LDLRAD4: variants seen among roughly 807,000 people sequenced by gnomAD.
The protein encoded by LDLRAD4 is low-density lipoprotein receptor class A domain-containing protein 4.
In LDLRAD4, 5 loss-of-function variants were observed where a neutral mutation model predicts 17.0. That is an observed-to-expected ratio of 0.29 (90% confidence interval 0.15 to 0.62). LDLRAD4 has a LOEUF of 0.62. Among genes scored for constraint, LDLRAD4 ranks in the 20% least tolerant of loss-of-function variants. LDLRAD4 has a pLI of 0.84. For missense variants in LDLRAD4, 340 were observed against 424.7 expected (o/e 0.80, Z 1.75); for synonymous variants, 168 against 171.8 (o/e 0.98, Z 0.17).
intron 3 of LDLRAD4, among the ~76,000 whole-genome samples, chr18:13,583,797 T>G (rs1019359160): frequency 6.6e-6 from 1 of 151,916 alleles, no homozygotes; most frequent in African/African-American, 2.4e-5. Flanking sequence ...GGCGGAGTCT[T>G]ATTGTTGTGT....
exon 6 of LDLRAD4, chr18:13,646,898 G>A (rs2043034825): frequency 6.6e-6 from 1 of 152,452 alleles, no homozygotes; most frequent in South Asian, 2.1e-4. Flanking sequence ...TCGTGTGGGA[G>A]TGGTGTGGGT....
At chr18:13,641,139 G>A (rs1287253727) in intron 4 of LDLRAD4, among the ~76,000 whole-genome samples, 10 of 152,228 alleles carry the variant, frequency 6.6e-5, no homozygotes, top group Non-Finnish European at 1.5e-4. Flanking sequence ...TGTGGGTGCT[G>A]TGAATTTCCC....
intron 3 of LDLRAD4, among the ~76,000 whole-genome samples, chr18:13,518,837 A>G (rs1480357771): frequency 6.6e-6 from 1 of 152,024 alleles, no homozygotes; most frequent in Non-Finnish European, 1.5e-5. Flanking sequence ...ACACATTCTC[A>G]TGGGTGGAGA....
At chr18:13,640,185 C>G (rs953967201) in intron 4 of LDLRAD4, among the ~76,000 whole-genome samples, 1 of 147,896 alleles carries the variant, frequency 6.8e-6, no homozygotes. Flanking sequence ...CCCATCTACT[C>G]GGTAGGCTGA....
chr18:13,529,121 G>A (rs1284645374), intron 3 of LDLRAD4, among the ~76,000 whole-genome samples: 2 of 152,178 alleles, frequency 1.3e-5, no homozygotes, highest in Admixed American at 6.5e-5. Context: ...TGTGTAGGGA[G>A]AACCTGGTTA....
At chr18:13,305,609 C>T (rs1483577966) in intron 1 of LDLRAD4, among the ~76,000 whole-genome samples, 1 of 152,146 alleles carries the variant, frequency 6.6e-6, no homozygotes, top group Non-Finnish European at 1.5e-5. Flanking sequence ...GAAGTGCTCC[C>T]AAGAAGCAGA....
intron 3 of LDLRAD4, chr18:13,522,908 C>G (rs758671091): frequency 6.6e-6 from 1 of 152,176 alleles, no homozygotes; most frequent in African/African-American, 2.4e-5. Flanking sequence ...GATGCATTTA[C>G]GAGGTGCTGA....
chr18:13,368,684 G>A (rs949065692), intron 1 of LDLRAD4, among the ~76,000 whole-genome samples: 1 of 152,168 alleles, frequency 6.6e-6, no homozygotes, highest in African/African-American at 2.4e-5. Flanking sequence ...GGGTTTGGGG[G>A]ACCAGGTTGT....
At chr18:13,392,183 T>C (rs1354227445) in intron 2 of LDLRAD4, among the ~76,000 whole-genome samples, 4 of 152,250 alleles carry the variant, frequency 2.6e-5, no homozygotes, top group Non-Finnish European at 5.9e-5. Flanking sequence ...CTGTTCACAG[T>C]GACTGCGCTC....
rs1008901561 is a variant in LDLRAD4, at chr18:13,511,833, G to T, written c.181+73449G>T. On this transcript the variant is annotated intron_variant, in intron 3 of 5. Coordinates refer to ENST00000359446, the Ensembl canonical transcript of LDLRAD4. ...ATCCCCAGACCTAAAACAAAGAGAA[G>T]ACCTTGGCCTCCTCTCTGTTTGCTC... Among the ~76,000 whole-genome samples the T allele has an allele frequency of 2.0e-5, 3 of 152,156 alleles. No individual in the cohort carries two copies. In the South Asian group the frequency reaches 6.2e-4, roughly 32 times the overall value.
At chr18:13,620,931 TC>T in intron 3 of LDLRAD4, 185 bp from the exon 5 acceptor site, 2 of 809,298 alleles carry the variant, frequency 2.5e-6, no homozygotes, top group Non-Finnish European at 2.0e-6. Flanking sequence ...TTGCACAGCC[TC>T]CCGACTGTGC....
chr18:13,618,421 A>C (rs2148786317), intron 3 of LDLRAD4, among the ~76,000 whole-genome samples: 1 of 152,372 alleles, frequency 6.6e-6, no homozygotes, highest in South Asian at 2.1e-4. Context: ...TTTTATAATA[A>C]AAATCCTTTT....
chr18:13,378,526 A>G (rs2085100333), intron 1 of LDLRAD4, among the ~76,000 whole-genome samples: 1 of 152,208 alleles, frequency 6.6e-6, no homozygotes, highest in African/African-American at 2.4e-5. Flanking sequence ...TGATTTTCCG[A>G]GAAGGAGATG....
intron 2 of LDLRAD4, among the ~76,000 whole-genome samples, chr18:13,404,246 G>A (rs2087506780): frequency 1.3e-5 from 2 of 152,238 alleles, no homozygotes. Flanking sequence ...CTTCCCCTGG[G>A]GGGCATCACT....
Position 13,645,837 on chromosome 18 carries a change from G to T in LDLRAD4, c.*180G>T. On this transcript the variant is annotated 3_prime_UTR_variant, in exon 6 of 6. Transcript: ENST00000359446. This position sits in a 1 kb window ranked among gnomAD's most constrained non-coding sequence, Gnocchi z 5.7. The stretch of plus-strand genomic sequence containing the variant: ...AATTGCATGCAAACTAGACTGAAAT[G>T]ATACAAACTTCCATCTGGTCTGACC... 2.2e-6 allele frequency: 1 copy of T among 458,166 alleles called. No individual in the cohort carries two copies. Among genetic ancestry groups the T allele is most frequent in the Non-Finnish European group, 3.7e-6 (1 of 269,084 alleles). The allele number at this position is 458,166 out of a possible 1,614,324, so 28.4% of individuals were successfully genotyped here.
intron 3 of LDLRAD4, among the ~76,000 whole-genome samples, chr18:13,537,952 A>T (rs149310244): frequency 5.2e-4 from 79 of 152,310 alleles, no homozygotes; most frequent in Admixed American, 1.8e-3. Context: ...CTAACTTGTT[A>T]AATCTATTGG....
At chr18:13,439,109 G>GCC (rs1405601499) in intron 3 of LDLRAD4, among the ~76,000 whole-genome samples, 2 of 152,176 alleles carry the variant, frequency 1.3e-5, no homozygotes, top group Middle Eastern at 3.4e-3. Flanking sequence ...GCGTTGGCCG[G>GCC]GCCGACCCTC....
At chr18:13,469,637 A>G (rs1389908599) in intron 3 of LDLRAD4, among the ~76,000 whole-genome samples, 2 of 152,268 alleles carry the variant, frequency 1.3e-5, no homozygotes, top group African/African-American at 4.8e-5. Flanking sequence ...TATGACAAAT[A>G]TATGATACTG....
chr18:13,322,813 C>T (rs1367956210), intron 1 of LDLRAD4, among the ~76,000 whole-genome samples: 13 of 131,158 alleles, frequency 9.9e-5, no homozygotes, highest in East Asian at 9.0e-4. Context: ...TTGATGGAGA[C>T]GGGATTTTAC....
Sources: gnomAD v4.1 joint callset for allele counts (sites outside exome capture counted in the v4.1 genomes callset) on GRCh38, gnomAD v4.1.1 for gene constraint, Gnocchi (gnomAD v3.1) non-coding constraint, MANE v1.5 for transcripts, NCBI Gene and HGNC (gene_info 2026-07-23, HGNC 2026-07-21) for gene names.